The following WDR88 variants were observed in gnomAD, a reference collection of about 807,000 sequenced individuals.
The protein encoded by WDR88 is WD repeat-containing protein 88.
In WDR88, 40 loss-of-function variants were observed where a neutral mutation model predicts 46.8. That is an observed-to-expected ratio of 0.86 (90% confidence interval 0.66 to 1.11). The LOEUF is 1.11. Among genes scored for constraint, WDR88 ranks in the 50% most tolerant of loss-of-function variants. The probability of loss-of-function intolerance (pLI) is 0.00; values close to 1 mark genes in which losing one functional copy is unlikely to be tolerated. For missense variants in WDR88, 562 were observed against 602.4 expected, an observed-to-expected ratio of 0.93 and a Z score of 0.70; for synonymous variants, 235 against 240.7, an observed-to-expected ratio of 0.98 and a Z score of 0.22.
In WDR88 at chr19:33,157,667, ATG is replaced by A. The variant is rs1211109483; in HGVS notation, c.997+1137_997+1138del. ...TGTGTGTGTATGTATATATGTATGT[ATG>A]TGTGTGTGTGTATGTATGTATATAT... On this transcript the variant is annotated intron_variant, in intron 7 of 10. Transcript: ENST00000355868. Among the ~76,000 whole-genome samples the A allele has an allele frequency of 1.1e-4, 10 of 95,158 alleles. 1 individual carries two copies. The highest frequency in any genetic ancestry group is 5.2e-4 in the East Asian group (1 of 1,916). 62.4% of individuals were successfully genotyped at this position (95,158 alleles called of 152,430 possible). A position where few individuals can be genotyped will look rare whatever the true frequency, so the allele number is the denominator to read the frequency against.
intron 2 of WDR88, among the ~76,000 whole-genome samples, chr19:33,140,959 CAG>C (rs1973378830): frequency 7.9e-6 from 1 of 126,086 alleles, no homozygotes; most frequent in African/African-American, 3.2e-5. Flanking sequence ...TTTTTTGAGA[CAG>C]GGTCTTGCTC....
chr19:33,149,873 T>A (rs1233433089), intron 5 of WDR88, among the ~76,000 whole-genome samples: 7 of 151,916 alleles, frequency 4.6e-5, no homozygotes, highest in Admixed American at 4.6e-4. Flanking sequence ...TTGGGCAGGC[T>A]GGTCTCGAGC....
chr19:33,171,557 T>G (rs143037907), intron 9 of WDR88, among the ~76,000 whole-genome samples: 95 of 152,312 alleles, frequency 6.2e-4, no homozygotes, highest in African/African-American at 2.1e-3. Flanking sequence ...CTGTACTGTT[T>G]AAACATTAAA....
intron 8 of WDR88, among the ~76,000 whole-genome samples, chr19:33,163,788 A>G (rs766971168): frequency 5.9e-5 from 9 of 151,698 alleles, no homozygotes; most frequent in Non-Finnish European, 1.3e-4. Flanking sequence ...GCATGCCACC[A>G]TGCTCGGCTA....
chr19:33,161,110 T>C (rs958334717), intron 8 of WDR88, among the ~76,000 whole-genome samples: 3 of 151,918 alleles, frequency 2.0e-5, no homozygotes, highest in East Asian at 2.0e-4. Flanking sequence ...GAGGCGGAGG[T>C]TGCACTGGGC....
At chr19:33,164,099 G>C in intron 8 of WDR88, 98 bp from the exon 9 acceptor site, 2 of 1,146,004 alleles carry the variant, frequency 1.7e-6, no homozygotes, top group South Asian at 2.6e-5. Context: ...CTTCCCAAAA[G>C]GCAGGTTACA....
chr19:33,172,849 G>A (rs767220144), intron 10 of WDR88, among the ~76,000 whole-genome samples: 19 of 151,948 alleles, frequency 1.3e-4, no homozygotes, highest in African/African-American at 2.2e-4. Flanking sequence ...CAACATTTTG[G>A]GAGGCTGAAG....
At chr19:33,148,696 C>G in intron 4 of WDR88, 76 bp from the exon 5 acceptor site, 1 of 1,583,788 alleles carries the variant, frequency 6.3e-7, no homozygotes. Flanking sequence ...GCCTTGGCCT[C>G]CCAAAGCACT....
chr19:33,149,956 A>C (rs1044491344), intron 5 of WDR88, among the ~76,000 whole-genome samples: 9 of 151,968 alleles, frequency 5.9e-5, no homozygotes, highest in African/African-American at 2.2e-4. Flanking sequence ...CACTGTGCCC[A>C]GCCTATTTTT....
chr19:33,151,119 G>C, intron 5 of WDR88, 62 bp from the exon 6 acceptor site: 1 of 1,564,132 alleles, frequency 6.4e-7, no homozygotes. Context: ...GAAGTCGTGG[G>C]AGTCCTCCAG....
In WDR88 at chr19:33,175,517, C is replaced by A; in HGVS notation, c.1364C>A (p.Ser455Ter). 1 of 1,614,206 alleles carries A rather than the reference C, an allele frequency of 6.2e-7. No individual in the cohort carries two copies. The highest frequency in any genetic ancestry group is 1.1e-5 in the South Asian group (1 of 91,084). ...TTGCCAGCAGATACTTCATCGTCAT[C>A]ATCATCATCGGAAAGGGAGAACTCA... ...RGLPADTSSS[S>*]SSSERENSPP... Residue 455 changes from serine to a stop codon, truncating the protein, a stop_gained, in exon 11 of 11, where the codon TCA becomes TAA. Transcript: ENST00000355868. LOFTEE classifies it low-confidence loss of function (END_TRUNC).
rs1379203043 is a variant in WDR88, at chr19:33,156,236, T to G, written c.810-119T>G. ...GTCTTCAGGTCCTCTTGGGGCGAAG[T>G]GCTAGCATGTGCAGCCCGACCATGA... On this transcript the variant is annotated intron_variant, in intron 6 of 10. Coordinates refer to ENST00000355868, the MANE Select transcript of WDR88 (RefSeq NM_173479.4). 4 of 996,578 alleles carry G rather than the reference T, an allele frequency of 4.0e-6. No homozygotes were observed. In the African/African-American group the frequency reaches 6.6e-5, roughly 16 times the overall value. 61.7% of individuals were successfully genotyped at this position (996,578 alleles called of 1,614,324 possible). A position where few individuals can be genotyped will look rare whatever the true frequency, so the allele number is the denominator to read the frequency against.
At position 33,142,878 on chromosome 19, in the gene WDR88, A is replaced by AAAAAAAAAAAAAAAAAAAAAAAAG. The variant is rs1289318961; in HGVS notation, c.388-1964_388-1963insAAAAAAAAAAAAAAAAAAAAAGAA. The AAAAAAAAAAAAAAAAAAAAAAAAG allele has an allele frequency of 1.4e-5, 2 of 142,874 alleles. 1 individual carries two copies. Among genetic ancestry groups the AAAAAAAAAAAAAAAAAAAAAAAAG allele is most frequent in the African/African-American group, 5.4e-5 (2 of 36,794 alleles). 8.9% of individuals were successfully genotyped at this position (142,874 alleles called of 1,614,324 possible). On this transcript the variant is annotated intron_variant, in intron 2 of 10. Coordinates refer to ENST00000355868, the MANE Select transcript of WDR88 (RefSeq NM_173479.4). ...AAAAAAAAAAAAAAAAAAAAAAAAA[A>AAAAAAAAAAAAAAAAAAAAAAAAG]AAGGCCGGGGGGCGGGAATAACGTG...
intron 6 of WDR88, among the ~76,000 whole-genome samples, chr19:33,154,672 G>A (rs1973701110): frequency 6.6e-6 from 1 of 152,182 alleles, no homozygotes; most frequent in South Asian, 2.1e-4. Context: ...ACATACGTGT[G>A]CATGTGTATT....
At chr19:33,157,724 TATATATATATATA>T (rs1568367788) in intron 7 of WDR88, among the ~76,000 whole-genome samples, 6 of 59,956 alleles carry the variant, frequency 1.0e-4, no homozygotes, top group African/African-American at 1.5e-4. Context: ...TATATATATA[TATATATATATATA>T]AAATTAAAGA....
In WDR88 at chr19:33,156,540, A is replaced by G. The variant is rs1973739195; in HGVS notation, c.995A>G (p.Asp332Gly). 1 of 1,611,970 alleles carries G rather than the reference A, an allele frequency of 6.2e-7. No individual in the cohort carries two copies. Among genetic ancestry groups the G allele is most frequent in the Non-Finnish European group, 8.5e-7 (1 of 1,178,842 alleles). Residue 332 changes from aspartate to glycine, a missense_variant and splice_region_variant, in exon 7 of 11, where the codon GAC (aspartate) becomes GGC (glycine). Asp to Gly is a moderately conservative substitution (Grantham distance 94, BLOSUM62 -1). Transcript: ENST00000355868. Reference sequence around the variant, plus strand: ...GTCAGTTCCTGTCACTTTGCCAGAGACAGTGAGTAATTAACATGCAGAAGG... The same window carrying G: ...GTCAGTTCCTGTCACTTTGCCAGAGGCAGTGAGTAATTAACATGCAGAAGG... ...GSVSSCHFARDSSFLISGGFD... is the reference protein window; with the variant it reads ...GSVSSCHFARGSSFLISGGFD...
At chr19:33,161,940 G>C (rs1387772948) in intron 8 of WDR88, among the ~76,000 whole-genome samples, 1 of 152,180 alleles carries the variant, frequency 6.6e-6, no homozygotes, top group Non-Finnish European at 1.5e-5. Flanking sequence ...ACTCCAGCCT[G>C]GGTGACAGAG....
In WDR88 at chr19:33,146,066, G is replaced by A. The variant is rs192186858; in HGVS notation, c.476+1134G>A. ...AAACAGCTGGGAGGCTGAGGCGGGC[G>A]GATCACCTGAGGTCGGGTAGCCTTG... is the stretch of plus-strand genomic sequence containing the variant. On this transcript the variant is annotated intron_variant, in intron 3 of 10. Coordinates refer to ENST00000355868, the MANE Select transcript of WDR88 (RefSeq NM_173479.4). 2.7e-3 allele frequency among the ~76,000 whole-genome samples: 406 copies of A among 152,168 alleles called. 1 individual carries two copies. The highest frequency in any genetic ancestry group is 9.4e-3 in the African/African-American group (392 of 41,546).
At chr19:33,172,536 G>T (rs1042445318) in intron 10 of WDR88, 96 bp downstream of exon 10, 1 of 1,021,698 alleles carries the variant, frequency 9.8e-7, no homozygotes, top group Non-Finnish European at 1.5e-6. Flanking sequence ...ACCTGGAGAT[G>T]CAATCGTGAA....
Sources: gnomAD v4.1 joint callset for allele counts (sites outside exome capture counted in the v4.1 genomes callset) on GRCh38, gnomAD v4.1.1 for gene constraint, MANE v1.5 for transcripts, NCBI Gene and HGNC (gene_info 2026-07-23, HGNC 2026-07-21) for gene names.